The following AK9 variants were observed in gnomAD, a reference collection of about 807,000 sequenced individuals.
The protein encoded by AK9 is adenylate kinase 9, also known as adenylate kinase domain containing 1.
Under a neutral mutation model 239.6 loss-of-function variants are expected in AK9, and 191 were observed. The observed-to-expected ratio is 0.80, with a 90% CI of 0.71 to 0.90. AK9 has a LOEUF of 0.90. Among genes scored for constraint, AK9 ranks in the 40% least tolerant of loss-of-function variants. AK9 has a pLI of 0.00. For missense variants in AK9, 1,995 were observed against 2,214.7 expected, an observed-to-expected ratio of 0.90 and a Z score of 1.99; for synonymous variants, 689 against 721.0, an observed-to-expected ratio of 0.96 and a Z score of 0.71.
chr6:109,561,993 C>T (rs1785840495), intron 24 of AK9, among the ~76,000 whole-genome samples: 1 of 152,116 alleles, frequency 6.6e-6, no homozygotes, highest in Non-Finnish European at 1.5e-5. Context: ...ATTTGGAATG[C>T]TCTAAACTCT....
At chr6:109,501,037 T>C (rs931720596) in intron 35 of AK9, among the ~76,000 whole-genome samples, 55 of 151,568 alleles carry the variant, frequency 3.6e-4, no homozygotes, top group Non-Finnish European at 7.7e-4. Context: ...AGAAAAGAAA[T>C]ACATCACACC....
At chr6:109,683,261 AG>A (rs1772952847) in intron 1 of AK9, among the ~76,000 whole-genome samples, 1 of 152,156 alleles carries the variant, frequency 6.6e-6, no homozygotes, top group South Asian at 2.1e-4. Flanking sequence ...AAATAATAAG[AG>A]CTATTTATGA....
intron 28 of AK9, 75 bp from the exon 29 acceptor site, chr6:109,529,148 T>C: frequency 6.9e-7 from 1 of 1,441,202 alleles, no homozygotes; most frequent in Non-Finnish European, 9.2e-7. Context: ...CATATATTTT[T>C]ATATAAAGTA....
intron 1 of AK9, among the ~76,000 whole-genome samples, chr6:109,681,105 C>T (rs1379953116): frequency 2.0e-5 from 3 of 152,128 alleles, no homozygotes; most frequent in Non-Finnish European, 4.4e-5. Context: ...CAATATTAAC[C>T]TTAAAGTAAA....
At chr6:109,643,497 C>A (rs527801965) in intron 9 of AK9, among the ~76,000 whole-genome samples, 1 of 152,340 alleles carries the variant, frequency 6.6e-6, no homozygotes, top group East Asian at 1.9e-4. Flanking sequence ...CATACCTGAT[C>A]AATGGCAAAA....
At chr6:109,629,825 G>A (rs547771260) in intron 12 of AK9, among the ~76,000 whole-genome samples, 2 of 152,018 alleles carry the variant, frequency 1.3e-5, no homozygotes, top group African/African-American at 4.8e-5. Context: ...AGTAGAGACG[G>A]GGTTTCACCG....
intron 27 of AK9, among the ~76,000 whole-genome samples, chr6:109,538,600 T>G (rs1231188419): frequency 1.3e-5 from 2 of 152,012 alleles, no homozygotes; most frequent in African/African-American, 4.8e-5. Flanking sequence ...ATTTAGCCCA[T>G]TTACATTTAA....
At chr6:109,533,135 A>C (rs934670861) in intron 28 of AK9, 116 bp downstream of exon 28, 5 of 747,014 alleles carry the variant, frequency 6.7e-6, no homozygotes, top group Non-Finnish European at 9.9e-6. Context: ...AAAATATTTC[A>C]TGCTTACTGT....
Position 109,499,191 on chromosome 6 carries a change from A to C in AK9, c.4899T>G (p.Leu1633=). 1 of 1,597,586 alleles carries C rather than the reference A, an allele frequency of 6.3e-7. No homozygotes were observed. Among genetic ancestry groups the C allele is most frequent in the Non-Finnish European group, 8.5e-7 (1 of 1,171,296 alleles). Residue 1633 remains leucine (L), a synonymous_variant, in exon 36 of 41, where the codon CTT becomes CTG. Coordinates refer to ENST00000424296, the MANE Select transcript of AK9 (RefSeq NM_001145128.3). The part of the protein sequence containing the change: ...DKLCITPQEL[L]SRLGEFEQFC... ...ACTGTTCAAATTCTCCCAGGCGAGAAAGCAGCTCTTGAGGTGTGATACATA... is the reference window on the plus strand; with the variant it reads ...ACTGTTCAAATTCTCCCAGGCGAGACAGCAGCTCTTGAGGTGTGATACATA...
Position 109,515,942 on chromosome 6 carries a change from T to G in AK9, c.3980A>C (p.His1327Pro), listed in dbSNP as rs1779235939. The G allele has an allele frequency of 9.7e-6, 15 of 1,551,786 alleles. No homozygotes were observed. The East Asian group carries it at 3.2e-4, about 33-fold the overall frequency. ...ENRASIFEKC[H>P]PIPAPLAQKM... ...CTGGGCAAGGGGTGCTGGTATTGGA[T>G]GACATTTCTCAAAAATGCTTGCACG... Residue 1327 changes from histidine to proline, a missense_variant, in exon 31 of 41, where the codon CAT (histidine) becomes CCT (proline). By Grantham distance (77) the His-to-Pro change is moderately conservative. Transcript: ENST00000424296.
chr6:109,685,520 GT>G (rs1300147859), intron 1 of AK9, among the ~76,000 whole-genome samples: 2 of 150,870 alleles, frequency 1.3e-5, no homozygotes, highest in South Asian at 4.3e-4. Context: ...ATAAGTGGGA[GT>G]TGAAAAATGA....
intron 26 of AK9, among the ~76,000 whole-genome samples, chr6:109,545,569 C>T (rs1372195373): frequency 6.6e-6 from 1 of 152,190 alleles, no homozygotes; most frequent in East Asian, 1.9e-4. Context: ...TTTGCTCCTC[C>T]TTGCCTTCTG....
chr6:109,493,605 C>A, intron 40 of AK9, 34 bp from the exon 41 acceptor site: 2 of 1,571,752 alleles, frequency 1.3e-6, no homozygotes, highest in South Asian at 1.1e-5. Flanking sequence ...TGAATAATTT[C>A]TGCTAGTTAG....
chr6:109,600,590 C>T (rs1420579356), intron 17 of AK9, among the ~76,000 whole-genome samples: 6 of 152,182 alleles, frequency 3.9e-5, no homozygotes, highest in Admixed American at 1.3e-4. Flanking sequence ...ATGCTGGCCT[C>T]ATAAAATGAC....
chr6:109,614,186 C>T lies in AK9; in HGVS notation c.1606G>A (p.Asp536Asn). Residue 536 changes from aspartate to asparagine, a missense_variant, in exon 15 of 41, where the codon GAT becomes AAT. By Grantham distance (23) the Asp-to-Asn change is conservative (BLOSUM62 1). Around this residue, in one of 5 missense-constraint regions of AK9, gnomAD observed 1,290 missense variants for 1,392.7 expected, o/e 0.93. Transcript: ENST00000424296. Reference protein sequence around the residue: ...LHDQAAKVDKDDGKETGETFT... With the variant: ...LHDQAAKVDKNDGKETGETFT... ...GATTAGCAGTTCACTTTGTTACCATCTTTATCAACTTTAGCAGCTTGATCA... is the reference window on the plus strand; with the variant it reads ...GATTAGCAGTTCACTTTGTTACCATTTTTATCAACTTTAGCAGCTTGATCA... 6.4e-7 allele frequency: 1 copy of T among 1,550,588 alleles called. No individual in the cohort carries two copies. Among genetic ancestry groups the T allele is most frequent in the Non-Finnish European group, 8.7e-7 (1 of 1,146,136 alleles).
chr6:109,648,480 A>G (rs1168593597), intron 8 of AK9, among the ~76,000 whole-genome samples: 1 of 151,962 alleles, frequency 6.6e-6, no homozygotes, highest in Admixed American at 6.5e-5. Context: ...CAAATAAACT[A>G]GAAAATCTAG....
chr6:109,590,678 A>G (rs1171227139), intron 17 of AK9, among the ~76,000 whole-genome samples: 1 of 152,138 alleles, frequency 6.6e-6, no homozygotes, highest in Non-Finnish European at 1.5e-5. Context: ...ATTGCCTCTT[A>G]GCACTGTTTT....
chr6:109,505,362 A>C (rs1346621360), intron 35 of AK9, among the ~76,000 whole-genome samples: 3 of 151,958 alleles, frequency 2.0e-5, no homozygotes, highest in African/African-American at 7.2e-5. Flanking sequence ...TGTAGTCATC[A>C]CTCTTTTTAG....
At chr6:109,499,334 A>G in intron 35 of AK9, 94 bp from the exon 36 acceptor site, 1 of 910,640 alleles carries the variant, frequency 1.1e-6, no homozygotes, top group Non-Finnish European at 1.5e-6. Context: ...ACACAGCACT[A>G]TACATACACA....
Sources: allele counts gnomAD v4.1 joint callset (sites outside exome capture counted in the v4.1 genomes callset), GRCh38; gene constraint gnomAD v4.1.1; regional missense constraint gnomAD v4.1.1; transcripts MANE v1.5; gene names NCBI Gene and HGNC (gene_info 2026-07-23, HGNC 2026-07-21).